FHIP1A: variants seen among roughly 807,000 people sequenced by gnomAD.
The protein encoded by FHIP1A is FHF complex subunit HOOK-interacting protein 1A.
A neutral mutation model predicts 88.6 loss-of-function variants in FHIP1A; 61 were observed. That is an observed-to-expected ratio of 0.69 (90% CI 0.56 to 0.85). The LOEUF is 0.85. Ranked by LOEUF, FHIP1A falls within the 40% of genes least tolerant of loss-of-function variation. The probability of loss-of-function intolerance (pLI) is 0.00; values close to 1 mark genes in which losing one functional copy is unlikely to be tolerated. For synonymous variants in FHIP1A, 478 were observed against 496.0 expected (o/e 0.96, Z 0.48); for missense variants, 1,154 against 1,273.5 (o/e 0.91, Z 1.43).
At chr4:151,485,975 T>C (rs998436930) in intron 3 of FHIP1A, among the ~76,000 whole-genome samples, 1 of 152,198 alleles carries the variant, frequency 6.6e-6, no homozygotes, top group African/African-American at 2.4e-5. Flanking sequence ...AATTTTTCCA[T>C]GGATGACGGG....
At chr4:151,434,951 C>A (rs1267983848) in intron 1 of FHIP1A, among the ~76,000 whole-genome samples, 5 of 152,104 alleles carry the variant, frequency 3.3e-5, no homozygotes, top group Non-Finnish European at 5.9e-5. Context: ...AGGAATTGGA[C>A]TCCTTTATGA....
At chr4:151,576,047 G>T (rs1733777931) in intron 4 of FHIP1A, among the ~76,000 whole-genome samples, 1 of 152,208 alleles carries the variant, frequency 6.6e-6, no homozygotes, top group Non-Finnish European at 1.5e-5. Context: ...ATTTTCAAGG[G>T]AGTAAATGGA....
chr4:151,616,626 A>C (rs1167744105), intron 7 of FHIP1A, among the ~76,000 whole-genome samples: 3 of 150,580 alleles, frequency 2.0e-5, no homozygotes, highest in African/African-American at 4.9e-5. Flanking sequence ...TTTTTTTTGT[A>C]TTTTTAGTGG....
At chr4:151,646,805 T>C in intron 10 of FHIP1A, 57 bp downstream of exon 10, 1 of 1,205,444 alleles carries the variant, frequency 8.3e-7, no homozygotes, top group Non-Finnish European at 1.2e-6. Context: ...CATCTCGCCT[T>C]GGGATATGTG....
At chr4:151,462,618 C>G (rs542069569) in intron 2 of FHIP1A, among the ~76,000 whole-genome samples, 1 of 152,128 alleles carries the variant, frequency 6.6e-6, no homozygotes, top group African/African-American at 2.4e-5. Context: ...ATATTTCACT[C>G]ATGGGAATTC....
chr4:151,608,028 TTTCTTC>T (rs1407525962), intron 7 of FHIP1A, among the ~76,000 whole-genome samples: 1 of 141,770 alleles, frequency 7.1e-6, no homozygotes, highest in Admixed American at 7.1e-5. Flanking sequence ...TTTCTTTTTC[TTTCTTC>T]TTCTTTTTTT....
Position 151,649,765 on chromosome 4 carries a change from C to A in FHIP1A, c.1724C>A (p.Thr575Lys), listed in dbSNP as rs1736940355. 1 of 1,551,658 alleles carries A rather than the reference C, an allele frequency of 6.4e-7. No individual in the cohort carries two copies. Among genetic ancestry groups the A allele is most frequent in the Non-Finnish European group, 8.7e-7 (1 of 1,146,972 alleles). The change falls in exon 11 of 14, where the codon ACA becomes AAA. Residue 575 changes from threonine to lysine, a missense_variant. Thr to Lys is a moderately conservative substitution (Grantham distance 78, BLOSUM62 -1). Transcript: ENST00000435205. ...GCTCCCAGAAAGGACAAGAGCCAGA[C>A]AGAGCTGGAATGGGATGACAGCTAT... ...QLAPRKDKSQ[T>K]ELEWDDSYDT...
chr4:151,500,498 G>A (rs1178189202), intron 3 of FHIP1A, among the ~76,000 whole-genome samples: 2 of 148,634 alleles, frequency 1.3e-5, no homozygotes, highest in Non-Finnish European at 1.5e-5. Flanking sequence ...CCTGACCCCT[G>A]CCCCATGTCA....
At chr4:151,412,643 C>G (rs1465216644) in intron 1 of FHIP1A, among the ~76,000 whole-genome samples, 1 of 130,184 alleles carries the variant, frequency 7.7e-6, no homozygotes, top group Non-Finnish European at 1.6e-5. Flanking sequence ...TCCCTCCCTC[C>G]CTGCCTCCCT....
chr4:151,464,695 C>G (rs1416099207), intron 2 of FHIP1A, among the ~76,000 whole-genome samples: 1 of 152,186 alleles, frequency 6.6e-6, no homozygotes, highest in Admixed American at 6.5e-5. Flanking sequence ...CTTGAATGTT[C>G]AGCCCAACCA....
At chr4:151,531,102 TG>T (rs1731862189) in intron 3 of FHIP1A, among the ~76,000 whole-genome samples, 1 of 152,094 alleles carries the variant, frequency 6.6e-6, no homozygotes, top group Non-Finnish European at 1.5e-5. Flanking sequence ...AAGCACATTT[TG>T]TATGAAGATA....
In FHIP1A at chr4:151,647,529, A is replaced by T. The variant is rs548358097; in HGVS notation, c.1417+781A>T. On this transcript the variant is annotated intron_variant, in intron 10 of 13. Coordinates refer to ENST00000435205, the MANE Select transcript of FHIP1A (RefSeq NM_001109977.3). ...CTGTCCACCCAGCTATAATTTTCTT[A>T]GGTAAAGTGTATTTAAAAGCTGGGT... 2.0e-5 allele frequency among the ~76,000 whole-genome samples: 3 copies of T among 152,338 alleles called. No individual in the cohort carries two copies. In the South Asian group the frequency reaches 6.2e-4, roughly 32 times the overall value.
intron 8 of FHIP1A, among the ~76,000 whole-genome samples, 200 bp downstream of exon 8, chr4:151,630,069 A>G (rs2126877965): frequency 6.6e-6 from 1 of 151,746 alleles, no homozygotes; most frequent in Non-Finnish European, 1.5e-5. Flanking sequence ...GTTCTCAGGG[A>G]TCCTTCTGTC....
chr4:151,662,428 C>A (rs907796957), intron 13 of FHIP1A, 73 bp from the exon 14 acceptor site: 4 of 1,431,312 alleles, frequency 2.8e-6, no homozygotes, highest in Non-Finnish European at 3.7e-6. Context: ...TGCCCCCAAA[C>A]ACATGCTTCA....
intron 3 of FHIP1A, among the ~76,000 whole-genome samples, chr4:151,487,026 C>T (rs938193456): frequency 9.2e-5 from 14 of 151,938 alleles, no homozygotes; most frequent in Non-Finnish European, 1.9e-4. Flanking sequence ...TCTGAGGCTT[C>T]TCCTTCTTGT....
intron 1 of FHIP1A, among the ~76,000 whole-genome samples, chr4:151,420,933 T>A (rs1733137409): frequency 6.6e-6 from 1 of 152,230 alleles, no homozygotes; most frequent in Non-Finnish European, 1.5e-5. Flanking sequence ...CCTTGCCAGT[T>A]GTTTGAGGTT....
chr4:151,433,948 T>A (rs992466372), intron 1 of FHIP1A, among the ~76,000 whole-genome samples: 1 of 152,204 alleles, frequency 6.6e-6, no homozygotes, highest in African/African-American at 2.4e-5. Flanking sequence ...TTGGGAGATT[T>A]TTCCGTCATA....
At position 151,524,175 on chromosome 4, in the gene FHIP1A, G is replaced by A. The variant is rs372370694; in HGVS notation, c.-123+41527G>A. Among the ~76,000 whole-genome samples the A allele has an allele frequency of 2.2e-4, 34 of 152,144 alleles. No homozygotes were observed. In the East Asian group the frequency reaches 5.2e-3, roughly 23 times the overall value. ...AAATTAGCTGGGCGTGGTGGCACGCGCCTGTAATCCCAGCTACTTGGGAGG... is the reference window on the plus strand; with the variant it reads ...AAATTAGCTGGGCGTGGTGGCACGCACCTGTAATCCCAGCTACTTGGGAGG... On this transcript the variant is annotated intron_variant, in intron 3 of 13. Coordinates refer to ENST00000435205, the MANE Select transcript of FHIP1A (RefSeq NM_001109977.3).
chr4:151,572,327 A>C (rs1419429102), intron 4 of FHIP1A, among the ~76,000 whole-genome samples: 2 of 152,178 alleles, frequency 1.3e-5, no homozygotes, highest in African/African-American at 2.4e-5. Context: ...TGTTCTTTGA[A>C]ATATTATTAT....
Sources: allele counts gnomAD v4.1 joint callset (sites outside exome capture counted in the v4.1 genomes callset), GRCh38; gene constraint gnomAD v4.1.1; transcripts MANE v1.5; gene names NCBI Gene and HGNC (gene_info 2026-07-23, HGNC 2026-07-21).